Variants in ZFP28 observed in about 807,000 individuals in gnomAD.
The protein encoded by ZFP28 is ZFP28 zinc finger protein, also known as zinc finger protein 28 homolog.
In ZFP28, 31 loss-of-function variants were observed where a neutral mutation model predicts 39.5. The observed-to-expected ratio is 0.79, with a 90% CI of 0.59 to 1.06. ZFP28 has a LOEUF of 1.06. Among genes scored for constraint, ZFP28 ranks in the 50% least tolerant of loss-of-function variants. The pLI, the probability that ZFP28 is intolerant of heterozygous loss-of-function variation, is 0.00. For missense variants in ZFP28, 925 were observed against 1,048.4 expected, an observed-to-expected ratio of 0.88 and a Z score of 1.63; for synonymous variants, 400 against 378.6, an observed-to-expected ratio of 1.06 and a Z score of -0.66.
intron 2 of ZFP28, among the ~76,000 whole-genome samples, chr19:56,545,330 C>A (rs1393185633): frequency 2.0e-5 from 3 of 152,156 alleles, no homozygotes; most frequent in Non-Finnish European, 4.4e-5. Context: ...CTTACAAAAC[C>A]CTTTTGACCT....
chr19:56,542,861 C>T (rs1046228799), intron 2 of ZFP28, among the ~76,000 whole-genome samples: 1 of 151,838 alleles, frequency 6.6e-6, no homozygotes, highest in African/African-American at 2.4e-5. Flanking sequence ...AAACTCCGGG[C>T]CTCAAGCAAT....
chr19:56,541,734 A>G (rs192232495), intron 2 of ZFP28, among the ~76,000 whole-genome samples: 1 of 151,694 alleles, frequency 6.6e-6, no homozygotes, highest in African/African-American at 2.4e-5. Context: ...TTTTTCTTTT[A>G]GTACTTTTCT....
chr19:56,539,357 G>A (rs1276285364), intron 1 of ZFP28, 131 bp downstream of exon 1: 5 of 1,016,078 alleles, frequency 4.9e-6, no homozygotes, highest in South Asian at 1.7e-5. Flanking sequence ...AGCTGGTGGA[G>A]TGGGAGAATC....
chr19:56,551,315 C>G (rs2044300096), intron 7 of ZFP28: 1 of 986,756 alleles, frequency 1.0e-6, no homozygotes, highest in Non-Finnish European at 1.2e-6. Context: ...TAATTGTTTA[C>G]TGTTTGGCAA....
intron 5 of ZFP28, among the ~76,000 whole-genome samples, chr19:56,549,569 C>G (rs1295796149): frequency 1.3e-5 from 2 of 151,900 alleles, no homozygotes; most frequent in Non-Finnish European, 1.5e-5. Flanking sequence ...CCCAGCTACT[C>G]AGGAGGCTGA....
In ZFP28 at chr19:56,553,799, T is replaced by C. The variant is rs146380640; in HGVS notation, c.1014T>C (p.Asn338=). 51 of 1,613,948 alleles carry C rather than the reference T, an allele frequency of 3.2e-5. No individual in the cohort carries two copies. Among genetic ancestry groups the C allele is most frequent in the East Asian group, 6.7e-5 (3 of 44,862 alleles). The part of the protein sequence containing the change: ...TKLDCSSFRE[N]WDSDYVFGRK... ...TTGATTGTTCCAGTTTCAGAGAAAA[T>C]TGGGATTCTGACTATGTGTTTGGAA... The change falls in exon 8 of 8, where the codon AAT becomes AAC. Residue 338 remains asparagine, a synonymous_variant. Coordinates refer to ENST00000301318, the MANE Select transcript of ZFP28 (RefSeq NM_020828.2).
At chr19:56,542,956 C>G (rs976718983) in intron 2 of ZFP28, among the ~76,000 whole-genome samples, 1 of 152,008 alleles carries the variant, frequency 6.6e-6, no homozygotes, top group Non-Finnish European at 1.5e-5. Flanking sequence ...TGAATACATT[C>G]CTAGAAGTTT....
At chr19:56,541,927 A>G (rs1478213147) in intron 2 of ZFP28, among the ~76,000 whole-genome samples, 2 of 112,704 alleles carry the variant, frequency 1.8e-5, no homozygotes, top group African/African-American at 7.3e-5. Context: ...GGGTTTCACC[A>G]TGTTGGCCAG....
At chr19:56,538,228 C>T (rs2044152264), upstream of ZFP28, 1 of 152,282 alleles carries the variant, frequency 6.6e-6, no homozygotes, top group African/African-American at 2.4e-5. Context: ...TCTCTACATC[C>T]CCCTTCCTAG....
In ZFP28 at chr19:56,555,637, A is replaced by G. The variant is rs1222019619; in HGVS notation, c.*245A>G. 4.2e-6 allele frequency: 2 copies of G among 481,344 alleles called. No homozygotes were observed. Among genetic ancestry groups the G allele is most frequent in the African/African-American group, 2.0e-5 (1 of 49,990 alleles). 29.8% of individuals were successfully genotyped at this position (481,344 alleles called of 1,614,324 possible). A position where few individuals can be genotyped will look rare whatever the true frequency, so the allele number is the denominator to read the frequency against. ...TGTTTTAAAAACTTTGTATTTGAACATTGAAAAGTTACAGTAGTCAGCTCT... is the reference window on the plus strand; with the variant it reads ...TGTTTTAAAAACTTTGTATTTGAACGTTGAAAAGTTACAGTAGTCAGCTCT... On this transcript the variant is annotated 3_prime_UTR_variant, in exon 8 of 8. Coordinates refer to ENST00000301318, the MANE Select transcript of ZFP28 (RefSeq NM_020828.2).
intron 7 of ZFP28, among the ~76,000 whole-genome samples, chr19:56,553,436 T>C (rs2044322416): frequency 6.6e-6 from 1 of 152,126 alleles, no homozygotes; most frequent in Admixed American, 6.6e-5. Flanking sequence ...GTGCAGGCTA[T>C]GTTGTCCTGG....
intron 7 of ZFP28, chr19:56,552,664 G>A (rs1245396783): frequency 6.6e-6 from 1 of 152,060 alleles, no homozygotes; most frequent in Non-Finnish European, 1.5e-5. Flanking sequence ...CTTAACTTGG[G>A]AATTATCTTC....
In ZFP28 at chr19:56,547,810, T is replaced by C; in HGVS notation, c.431T>C (p.Leu144Pro). ...ENYRNLASLG[L>P]CVSKPDVISS... ...AGGTTGTTTTTTATGTGTCTAGGAC[T>C]TTGTGTTTCTAAGCCCGATGTGATC... Residue 144 changes from leucine to proline, a missense_variant, in exon 4 of 8, where the codon CTT (leucine) becomes CCT (proline). By Grantham distance (98) the Leu-to-Pro change is moderately conservative. Coordinates refer to ENST00000301318, the MANE Select transcript of ZFP28 (RefSeq NM_020828.2). The surrounding 1 kb of genome is among the most constrained non-coding windows in gnomAD (Gnocchi z 4.6). 1 of 1,614,084 alleles carries C rather than the reference T, an allele frequency of 6.2e-7. No individual in the cohort carries two copies. The highest frequency in any genetic ancestry group is 1.1e-5 in the South Asian group (1 of 91,066).
chr19:56,547,347 T>G lies in ZFP28; in HGVS notation c.301-161T>G. ...ACCTCATTTAACCCTAATTACCTCTTTGTAGGCCCTGTCTCTAAATACAGT... is the reference window on the plus strand; with the variant it reads ...ACCTCATTTAACCCTAATTACCTCTGTGTAGGCCCTGTCTCTAAATACAGT... On this transcript the variant is annotated intron_variant, in intron 2 of 7. Coordinates refer to ENST00000301318, the MANE Select transcript of ZFP28 (RefSeq NM_020828.2). The surrounding 1 kb of genome is among the most constrained non-coding windows in gnomAD (Gnocchi z 4.6). 2 of 1,046,904 alleles carry G rather than the reference T, an allele frequency of 1.9e-6. No individual in the cohort carries two copies. The highest frequency in any genetic ancestry group is 2.8e-6 in the Non-Finnish European group (2 of 725,580). The allele number at this position is 1,046,904 out of a possible 1,614,324, so 64.9% of individuals were successfully genotyped here. A position where few individuals can be genotyped will look rare whatever the true frequency, so the allele number is the denominator to read the frequency against.
chr19:56,551,601 C>T, intron 7 of ZFP28: 1 of 985,358 alleles, frequency 1.0e-6, no homozygotes, highest in Non-Finnish European at 1.2e-6. Flanking sequence ...ACCTGCTAGG[C>T]TCTGAAAGTT....
In ZFP28 at chr19:56,554,311, A is replaced by T. The variant is rs773302303; in HGVS notation, c.1526A>T (p.Asp509Val). The stretch of plus-strand genomic sequence containing the variant: ...GGGGAGAAACCCTTTGATTGCATCG[A>T]TTGTGGGAAAGCCTTCAGTGACCAC... ...HTGEKPFDCI[D>V]CGKAFSDHIG... The change falls in exon 8 of 8, where the codon GAT becomes GTT. Residue 509 changes from aspartate to valine, a missense_variant. Transcript: ENST00000301318. This position sits in a 1 kb window ranked among gnomAD's most constrained non-coding sequence, Gnocchi z 6.7. The T allele has an allele frequency of 6.2e-7, 1 of 1,614,186 alleles. No homozygotes were observed. The highest frequency in any genetic ancestry group is 1.1e-5 in the South Asian group (1 of 91,084).
At chr19:56,550,975 T>C in intron 7 of ZFP28, 1 of 1,358,734 alleles carries the variant, frequency 7.4e-7, no homozygotes, top group African/African-American at 1.5e-5. Flanking sequence ...GAACCACAAA[T>C]TGAAAGTTAT....
intron 2 of ZFP28, among the ~76,000 whole-genome samples, chr19:56,542,395 C>T (rs1238501758): frequency 2.6e-5 from 4 of 152,182 alleles, no homozygotes; most frequent in Non-Finnish European, 5.9e-5. Context: ...CTCAGGCAAC[C>T]GCCCGCCTTG....
rs1361538685 is a variant in ZFP28 at position 56,539,736 on chromosome 19, CTT to C, written c.300+21_300+22del. On this transcript the variant is annotated intron_variant, in intron 2 of 7. Coordinates refer to ENST00000301318, the MANE Select transcript of ZFP28 (RefSeq NM_020828.2). ...TCCCAGGTGAGTTGGCATTTCATCTCTTGTCTCTGAAATGCAGTCTTGCTTTT... is the reference window on the plus strand; with the variant it reads ...TCCCAGGTGAGTTGGCATTTCATCTCGTCTCTGAAATGCAGTCTTGCTTTT... The C allele has an allele frequency of 4.4e-6, 7 of 1,606,142 alleles. No homozygotes were observed. The highest frequency in any genetic ancestry group is 1.7e-4 in the Middle Eastern group (1 of 6,040).
Sources: allele counts gnomAD v4.1 joint callset (sites outside exome capture counted in the v4.1 genomes callset), GRCh38; gene constraint gnomAD v4.1.1; non-coding constraint Gnocchi (gnomAD v3.1); transcripts MANE v1.5; gene names NCBI Gene and HGNC (gene_info 2026-07-23, HGNC 2026-07-21).